SDK2: variants seen among roughly 807,000 people sequenced by gnomAD.
The protein encoded by SDK2 is protein sidekick-2.
Under a neutral mutation model 253.9 loss-of-function variants are expected in SDK2, and 105 were observed. That is an observed-to-expected ratio of 0.41 (90% CI 0.35 to 0.49). The LOEUF (loss-of-function observed/expected upper bound fraction) is 0.49, where lower values mean the gene tolerates loss of function less well. Ranked by LOEUF, SDK2 falls within the 20% of genes least tolerant of loss-of-function variation. The pLI is 0.06. For missense variants in SDK2, 2,608 were observed against 3,003.0 expected (o/e 0.87, Z 3.07); for synonymous variants, 1,249 against 1,234.9 (o/e 1.01, Z -0.24).
Position 73,629,230 on chromosome 17 carries a change from G to A in SDK2, c.64+14795C>T, listed in dbSNP as rs911170785. On this transcript the variant is annotated intron_variant, in intron 1 of 44. Transcript: ENST00000392650. The surrounding 1 kb of genome is among the most constrained non-coding windows in gnomAD (Gnocchi z 5.0). ...TTCCCTACCATTTTAGCTCAGATAC[G>A]GGCCCTCAGGGAGGCTCCAGAATCT... Among the ~76,000 whole-genome samples, 5 of 152,106 alleles carry A rather than the reference G, an allele frequency of 3.3e-5. No homozygotes were observed. Among genetic ancestry groups the A allele is most frequent in the African/African-American group, 1.2e-4 (5 of 41,414 alleles).
At chr17:73,582,576 C>T (rs990906975) in intron 1 of SDK2, among the ~76,000 whole-genome samples, 1 of 152,268 alleles carries the variant, frequency 6.6e-6, no homozygotes, top group Admixed American at 6.5e-5. Flanking sequence ...GAGTGATAGC[C>T]GAGGGGCCAG....
At chr17:73,401,882 C>T (rs1381627489) in intron 19 of SDK2, 64 bp downstream of exon 19, 4 of 1,420,720 alleles carry the variant, frequency 2.8e-6, no homozygotes, top group East Asian at 4.9e-5. Flanking sequence ...ACCCTTCTGC[C>T]TGGGGCGCCC....
chr17:73,528,889 C>T (rs576248681), intron 1 of SDK2, among the ~76,000 whole-genome samples: 6 of 152,152 alleles, frequency 3.9e-5, no homozygotes, highest in African/African-American at 7.2e-5. Flanking sequence ...ACCATGGCAC[C>T]GACACAGGTG....
intron 1 of SDK2, among the ~76,000 whole-genome samples, chr17:73,509,903 A>AAAAAAAAAAAAAAAAAAAAAAAAC (rs2063966497): frequency 1.1e-5 from 1 of 92,024 alleles, no homozygotes; most frequent in Non-Finnish European, 2.1e-5. Flanking sequence ...CCATCTCTAC[A>AAAAAAAAAAAAAAAAAAAAAAAAC]AAAAAAAAAA....
chr17:73,386,494 GC>G lies in SDK2; in HGVS notation c.4448del (p.Gly1483AlafsTer12). On this transcript the variant is annotated frameshift_variant, in exon 31 of 45. Coordinates refer to ENST00000392650, the MANE Select transcript of SDK2 (RefSeq NM_001144952.2). LOFTEE classifies it high-confidence loss of function. ...KFRVKATNDIGDSEFSEESES... is the reference protein window; with the variant it reads ...KFRVKATNDIXDSEFSEESES... ...CCGACTCCTCGCTGAACTCGCTGTCGCCAATGTCATTGGTCGCCTTCACTCG... is the reference window on the plus strand; with the variant it reads ...CCGACTCCTCGCTGAACTCGCTGTCGCAATGTCATTGGTCGCCTTCACTCG... The G allele has an allele frequency of 6.4e-7, 1 of 1,562,468 alleles. No homozygotes were observed. The highest frequency in any genetic ancestry group is 8.7e-7 in the Non-Finnish European group (1 of 1,153,250).
chr17:73,575,191 G>C lies in SDK2; in HGVS notation c.65-67594C>G, dbSNP rs2045441701. Among the ~76,000 whole-genome samples the C allele has an allele frequency of 2.6e-5, 4 of 152,182 alleles. 1 individual carries two copies. In the South Asian group the frequency reaches 8.3e-4, roughly 32 times the overall value. ...GGCTGCTGAAGCTCCCTGGGCTCCA[G>C]GCTCCTCAATGGGGCGAATGACACC... On this transcript the variant is annotated intron_variant, in intron 1 of 44. Transcript: ENST00000392650.
intron 1 of SDK2, chr17:73,518,822 CA>C (rs2145781877): frequency 6.6e-6 from 1 of 152,368 alleles, no homozygotes; most frequent in East Asian, 1.9e-4. Context: ...CTCTTCCCCT[CA>C]GTGGCCCCAA....
At chr17:73,501,603 A>G (rs1194774200) in intron 2 of SDK2, among the ~76,000 whole-genome samples, 1 of 152,256 alleles carries the variant, frequency 6.6e-6, no homozygotes, top group Non-Finnish European at 1.5e-5. Context: ...ATTTGTCACC[A>G]ACAAAGGGTT....
chr17:73,384,340 C>T (rs773358827), intron 32 of SDK2, among the ~76,000 whole-genome samples: 7 of 152,122 alleles, frequency 4.6e-5, no homozygotes, highest in South Asian at 2.1e-4. Context: ...TTCCTAGAGC[C>T]GCTCCTTGTT....
chr17:73,523,760 C>A (rs753326594), intron 1 of SDK2, among the ~76,000 whole-genome samples: 1 of 151,706 alleles, frequency 6.6e-6, no homozygotes, highest in Non-Finnish European at 1.5e-5. Flanking sequence ...AATGGAACCA[C>A]CCCCTCACCT....
intron 1 of SDK2, among the ~76,000 whole-genome samples, chr17:73,512,377 A>T (rs1327238501): frequency 1.3e-5 from 2 of 152,156 alleles, no homozygotes; most frequent in Admixed American, 6.5e-5. Context: ...CCTCAGCCTT[A>T]GTACTAGGAT....
intron 1 of SDK2, among the ~76,000 whole-genome samples, chr17:73,588,179 C>G (rs1424697782): frequency 6.7e-6 from 1 of 148,244 alleles, no homozygotes; most frequent in Non-Finnish European, 1.5e-5. Context: ...TCGAGACCAG[C>G]CTGACCAACA....
chr17:73,549,497 C>A (rs1039322973), intron 1 of SDK2, among the ~76,000 whole-genome samples: 1 of 152,152 alleles, frequency 6.6e-6, no homozygotes, highest in Non-Finnish European at 1.5e-5. Flanking sequence ...TCAGCCCTTG[C>A]CCTCAAGTTG....
intron 1 of SDK2, among the ~76,000 whole-genome samples, chr17:73,525,639 A>C (rs908096018): frequency 3.3e-5 from 5 of 152,082 alleles, no homozygotes; most frequent in African/African-American, 1.2e-4. Flanking sequence ...TTCTCAGATC[A>C]ATGCTGGCAT....
At chr17:73,456,545 G>C (rs1244842177) in intron 3 of SDK2, among the ~76,000 whole-genome samples, 1 of 152,224 alleles carries the variant, frequency 6.6e-6, no homozygotes, top group African/African-American at 2.4e-5. Flanking sequence ...AGGGAGAGAA[G>C]TGTGGGCATG....
At chr17:73,540,400 C>A (rs906482561) in intron 1 of SDK2, among the ~76,000 whole-genome samples, 1 of 152,186 alleles carries the variant, frequency 6.6e-6, no homozygotes, top group Non-Finnish European at 1.5e-5. Context: ...CCCCAATATA[C>A]TAAACATATT....
chr17:73,394,864 G>A (rs887080640), intron 25 of SDK2, among the ~76,000 whole-genome samples: 1 of 152,212 alleles, frequency 6.6e-6, no homozygotes, highest in Non-Finnish European at 1.5e-5. Flanking sequence ...GGTTAAAGCT[G>A]AGGGCAGGAG....
At position 73,468,368 on chromosome 17, in the gene SDK2, C is replaced by T. The variant is rs533002464; in HGVS notation, c.331+3744G>A. On this transcript the variant is annotated intron_variant, in intron 3 of 44. Coordinates refer to ENST00000392650, the MANE Select transcript of SDK2 (RefSeq NM_001144952.2). ...AATCCTTCCAACGAGCCTAGGAGGT[C>T]GATATTATTAATACATTTTAGGGAT... 3.9e-5 allele frequency among the ~76,000 whole-genome samples: 6 copies of T among 152,098 alleles called. No homozygotes were observed. The South Asian group carries it at 1.0e-3, about 26-fold the overall frequency.
rs1376314333 is a variant in SDK2 at position 73,335,290 on chromosome 17, G to T, written c.*3297C>A. 1 of 152,434 alleles carries T rather than the reference G, an allele frequency of 6.6e-6. No individual in the cohort carries two copies. The highest frequency in any genetic ancestry group is 2.4e-5 in the African/African-American group (1 of 41,448). The allele number at this position is 152,434 out of a possible 1,614,324, so 9.4% of individuals were successfully genotyped here. ...TGGTGTGCCCAGCATGGGCTCCTGGGTGCAACACTGGGAGATTGCTTAGGG... is the reference window on the plus strand; with the variant it reads ...TGGTGTGCCCAGCATGGGCTCCTGGTTGCAACACTGGGAGATTGCTTAGGG... On this transcript the variant is annotated 3_prime_UTR_variant, in exon 45 of 45. Transcript: ENST00000392650.
Sources: gnomAD v4.1 joint callset for allele counts (sites outside exome capture counted in the v4.1 genomes callset) on GRCh38, gnomAD v4.1.1 for gene constraint, Gnocchi (gnomAD v3.1) non-coding constraint, MANE v1.5 for transcripts, NCBI Gene and HGNC (gene_info 2026-07-23, HGNC 2026-07-21) for gene names.